Variants in ERC1 observed in about 807,000 individuals in gnomAD.
The protein encoded by ERC1 is ELKS/RAB6-interacting/CAST family member 1, also known as RAB6 interacting protein 2.
Under a neutral mutation model 132.0 loss-of-function variants are expected in ERC1, and 56 were observed. The observed-to-expected ratio is 0.42, with a 90% CI of 0.34 to 0.53. ERC1 has a LOEUF of 0.53. ERC1 is among the 20% of genes least tolerant of loss of function. The pLI is 0.03. For synonymous variants in ERC1, 478 were observed against 476.1 expected, an observed-to-expected ratio of 1.00 and a Z score of -0.05; for missense variants, 1,202 against 1,349.9, an observed-to-expected ratio of 0.89 and a Z score of 1.72.
At chr12:1,091,358 G>T (rs1469545471) in intron 3 of ERC1, among the ~76,000 whole-genome samples, 1 of 152,192 alleles carries the variant, frequency 6.6e-6, no homozygotes, top group Non-Finnish European at 1.5e-5. Flanking sequence ...TACCCTTTCA[G>T]TGGAGATCTG....
intron 15 of ERC1, among the ~76,000 whole-genome samples, chr12:1,327,720 A>G (rs76290612): frequency 0.035 from 5,261 of 152,306 alleles, 96 homozygotes; most frequent in Middle Eastern, 0.075. Flanking sequence ...AAATAAATAC[A>G]CAAGTGGTTT....
At chr12:1,403,679 C>G (rs573726627) in intron 16 of ERC1, among the ~76,000 whole-genome samples, 2 of 152,220 alleles carry the variant, frequency 1.3e-5, no homozygotes, top group East Asian at 3.9e-4. Context: ...CAGTTTTTTT[C>G]AGGCAGGCAT....
chr12:1,440,806 CA>C (rs1411386302), intron 17 of ERC1, among the ~76,000 whole-genome samples: 1 of 151,548 alleles, frequency 6.6e-6, no homozygotes, highest in African/African-American at 2.4e-5. Context: ...GCACCACACC[CA>C]GCTACTTTTC....
intron 2 of ERC1, among the ~76,000 whole-genome samples, chr12:1,041,962 T>C (rs1056836441): frequency 6.6e-5 from 10 of 152,176 alleles, no homozygotes; most frequent in African/African-American, 2.4e-4. Context: ...GTGGCCAGGC[T>C]GGTCTCAATC....
intron 17 of ERC1, among the ~76,000 whole-genome samples, chr12:1,424,793 TGATAGATAGATA>T (rs139054161): frequency 0.12 from 13,627 of 109,112 alleles, 1,134 homozygotes; most frequent in Middle Eastern, 0.16. Context: ...GAGCTTGAGA[TGATAGATAGATA>T]GATAGATAGA....
intron 16 of ERC1, among the ~76,000 whole-genome samples, chr12:1,377,924 C>T (rs1413702570): frequency 2.6e-5 from 4 of 152,130 alleles, no homozygotes; most frequent in African/African-American, 7.2e-5. Flanking sequence ...GTTATGACAA[C>T]AATAAAATAT....
At chr12:1,008,435 T>G (rs986005022) in intron 1 of ERC1, among the ~76,000 whole-genome samples, 2 of 152,184 alleles carry the variant, frequency 1.3e-5, no homozygotes, top group African/African-American at 4.8e-5. Flanking sequence ...TATTGATCTA[T>G]TTACATAATT....
intron 17 of ERC1, among the ~76,000 whole-genome samples, chr12:1,436,362 G>A (rs1159747181): frequency 6.6e-6 from 1 of 152,156 alleles, no homozygotes; most frequent in Non-Finnish European, 1.5e-5. Context: ...GCCGGTAAAT[G>A]TGTTCCTCTT....
chr12:999,838 G>A (rs1183879210), intron 1 of ERC1, among the ~76,000 whole-genome samples: 2 of 152,012 alleles, frequency 1.3e-5, no homozygotes, highest in African/African-American at 2.4e-5. Flanking sequence ...CAGGTGATCC[G>A]CCTGTCTTGG....
In ERC1 at chr12:1,487,809, CGAGAGA is replaced by C. The variant is rs1555132933; in HGVS notation, c.3214-2273_3214-2268del. On this transcript the variant is annotated intron_variant, in intron 18 of 18. Transcript: ENST00000360905. ...GAAGAAAAGAAGGAAAGAAAAGAAA[CGAGAGA>C]GAGAGAGAGAAAGAAAAGAAAAGAA... 2.1e-5 allele frequency among the ~76,000 whole-genome samples: 3 copies of C among 145,764 alleles called. No homozygotes were observed. The South Asian group carries it at 6.4e-4, about 31-fold the overall frequency.
Position 1,320,971 on chromosome 12 carries a change from G to T in ERC1, c.2780+30959G>T, listed in dbSNP as rs1246689296. Among the ~76,000 whole-genome samples, 11 of 152,328 alleles carry T rather than the reference G, an allele frequency of 7.2e-5. No individual in the cohort carries two copies. The East Asian group carries it at 2.1e-3, about 29-fold the overall frequency. On this transcript the variant is annotated intron_variant, in intron 15 of 18. Transcript: ENST00000360905. ...CTGCCTCAGCTTCCCAAAGTACTGG[G>T]ATTACAGGCATGAGCCACCACTCCC...
intron 12 of ERC1, among the ~76,000 whole-genome samples, chr12:1,227,018 A>G (rs1278772966): frequency 2.6e-5 from 4 of 152,144 alleles, no homozygotes; most frequent in Non-Finnish European, 5.9e-5. Context: ...ATTTGATTAT[A>G]TATGCCACAT....
At chr12:1,101,007 A>C (rs1365768052) in intron 3 of ERC1, among the ~76,000 whole-genome samples, 2 of 152,148 alleles carry the variant, frequency 1.3e-5, no homozygotes, top group African/African-American at 4.8e-5. Context: ...AGAGAGTAGA[A>C]TAAGGAAGAG....
intron 13 of ERC1, chr12:1,244,441 A>T (rs1311020283): frequency 2.5e-6 from 1 of 401,990 alleles, no homozygotes; most frequent in Admixed American, 2.6e-5. Flanking sequence ...TAGTATTTCT[A>T]CGTTAAGTAT....
chr12:1,473,119 G>A (rs1182270721), intron 18 of ERC1, among the ~76,000 whole-genome samples: 1 of 152,112 alleles, frequency 6.6e-6, no homozygotes, highest in Non-Finnish European at 1.5e-5. Context: ...TCCGCCTCCT[G>A]GGTTCAAGCA....
At chr12:1,452,711 TTG>T (rs549050693) in intron 18 of ERC1, among the ~76,000 whole-genome samples, 5 of 152,216 alleles carry the variant, frequency 3.3e-5, no homozygotes, top group South Asian at 2.1e-4. Context: ...CACTTTCTTT[TTG>T]TGTGTGTGTC....
intron 17 of ERC1, among the ~76,000 whole-genome samples, chr12:1,440,254 G>T (rs1365273640): frequency 1.4e-5 from 2 of 141,014 alleles, no homozygotes; most frequent in South Asian, 2.2e-4. Flanking sequence ...GCCCAGGCTG[G>T]AGTGCAGTGG....
At chr12:1,400,918 T>TATTATTATTATTATTA (rs760878099) in intron 16 of ERC1, among the ~76,000 whole-genome samples, 9 of 27,590 alleles carry the variant, frequency 3.3e-4, no homozygotes, top group African/African-American at 2.1e-3. Flanking sequence ...ATTTTTGTAT[T>TATTATTATTATTATTA]TTTTTTTTTT....
chr12:1,053,301 A>C (rs1592970309), intron 2 of ERC1, among the ~76,000 whole-genome samples: 1 of 152,218 alleles, frequency 6.6e-6, no homozygotes, highest in East Asian at 1.9e-4. Context: ...GGAACAATTC[A>C]AGTAGCTTTC....
Sources: gnomAD v4.1 joint callset for allele counts (sites outside exome capture counted in the v4.1 genomes callset) on GRCh38, gnomAD v4.1.1 for gene constraint, MANE v1.5 for transcripts, NCBI Gene and HGNC (gene_info 2026-07-23, HGNC 2026-07-21) for gene names.